The following HEG1 variants were observed in gnomAD, a reference collection of about 807,000 sequenced individuals.
HEG1 encodes protein HEG homolog 1.
A neutral mutation model predicts 125.6 loss-of-function variants in HEG1; 56 were observed. That is an observed-to-expected ratio of 0.45 (90% CI 0.36 to 0.56). The LOEUF is 0.56. Ranked by LOEUF, HEG1 falls within the 20% of genes least tolerant of loss-of-function variation. HEG1 has a pLI of 0.00. For synonymous variants in HEG1, 644 were observed against 668.5 expected (o/e 0.96, Z 0.57); for missense variants, 1,523 against 1,670.0 (o/e 0.91, Z 1.53).
chr3:124,999,374 A>G (rs1478566177), intron 11 of HEG1, among the ~76,000 whole-genome samples: 1 of 152,230 alleles, frequency 6.6e-6, no homozygotes, highest in Non-Finnish European at 1.5e-5. Context: ...AACTTCCACA[A>G]TCCCTCATCT....
chr3:125,040,403 A>G (rs1937584564), intron 1 of HEG1, among the ~76,000 whole-genome samples: 1 of 152,198 alleles, frequency 6.6e-6, no homozygotes, highest in Non-Finnish European at 1.5e-5. Flanking sequence ...CCAGCCCTAC[A>G]GAAAGTCCCT....
At chr3:125,040,326 C>T (rs181982509) in intron 1 of HEG1, among the ~76,000 whole-genome samples, 5 of 152,170 alleles carry the variant, frequency 3.3e-5, no homozygotes, top group East Asian at 3.9e-4. Context: ...GTGACAGAGA[C>T]GCAGATGACA....
rs1213933756 is a variant in HEG1, at chr3:125,027,523, AAC to A, written c.611-18_611-17del. On this transcript the variant is annotated splice_polypyrimidine_tract_variant and intron_variant, in intron 2 of 16. Transcript: ENST00000311127. ...CTTTCTGAGGCTGAAAACAGACAAA[AAC>A]AATTAGAATTCCACCAGCAGACTTC... 1 of 1,572,590 alleles carries A rather than the reference AAC, an allele frequency of 6.4e-7. No individual in the cohort carries two copies. Among genetic ancestry groups the A allele is most frequent in the Admixed American group, 1.9e-5 (1 of 53,904 alleles).
chr3:124,996,681 T>A (rs1463598077), intron 12 of HEG1, among the ~76,000 whole-genome samples: 1 of 152,146 alleles, frequency 6.6e-6, no homozygotes, highest in Admixed American at 6.5e-5. Context: ...TGAAATATAT[T>A]TTTATCTGTG....
chr3:124,971,392 CTTCT>C (rs893302121), intron 16 of HEG1, among the ~76,000 whole-genome samples: 17 of 152,018 alleles, frequency 1.1e-4, no homozygotes, highest in African/African-American at 3.1e-4. Flanking sequence ...TATTTTTTTC[CTTCT>C]TTCTTTTTCT....
chr3:125,031,760 A>C (rs931749058), intron 1 of HEG1, among the ~76,000 whole-genome samples: 1 of 151,712 alleles, frequency 6.6e-6, no homozygotes, highest in African/African-American at 2.4e-5. Flanking sequence ...ACACATGCAC[A>C]CATACACATA....
intron 1 of HEG1, among the ~76,000 whole-genome samples, chr3:125,041,696 C>T (rs1172295607): frequency 1.3e-5 from 2 of 152,188 alleles, no homozygotes. Context: ...GAAAGCAACC[C>T]AGCTGTCTAT....
intron 5 of HEG1, among the ~76,000 whole-genome samples, chr3:125,017,979 G>C (rs192218872): frequency 6.6e-6 from 1 of 151,910 alleles, no homozygotes; most frequent in East Asian, 1.9e-4. Context: ...CAGTGAGCCG[G>C]GATGGTGCCA....
Position 125,047,243 on chromosome 3 carries a change from G to A in HEG1, c.316+8332C>T, listed in dbSNP as rs913592365. ...ATGCCTGGAAGGCAAGGTGCGATGG[G>A]AGGGTTGCTGTCAACACAATGACCA... On this transcript the variant is annotated intron_variant, in intron 1 of 16. Coordinates refer to ENST00000311127, the MANE Select transcript of HEG1 (RefSeq NM_020733.2). Among the ~76,000 whole-genome samples the A allele has an allele frequency of 1.2e-4, 18 of 152,260 alleles. 1 individual carries two copies. The highest frequency in any genetic ancestry group is 8.3e-4 in the South Asian group (4 of 4,832).
rs1287239540 is a variant in HEG1, at chr3:124,993,272, C to G, written c.3653-2286G>C. The stretch of plus-strand genomic sequence containing the variant: ...ACAGTCCGTTAATTTCCCCTTTAAC[C>G]TGATTTACCTTTTACATATTTTTAA... On this transcript the variant is annotated intron_variant, in intron 12 of 16. Coordinates refer to ENST00000311127, the MANE Select transcript of HEG1 (RefSeq NM_020733.2). Among the ~76,000 whole-genome samples the G allele has an allele frequency of 3.9e-5, 6 of 152,322 alleles. No homozygotes were observed. In the East Asian group the frequency reaches 9.6e-4, roughly 24 times the overall value.
At chr3:124,994,713 C>T (rs139940376) in intron 12 of HEG1, among the ~76,000 whole-genome samples, 16 of 152,292 alleles carry the variant, frequency 1.1e-4, no homozygotes, top group African/African-American at 3.8e-4. Context: ...ACCATATTGG[C>T]CAGGCTGGCC....
At chr3:124,988,553 A>G (rs1012842320) in intron 14 of HEG1, among the ~76,000 whole-genome samples, 17 of 152,196 alleles carry the variant, frequency 1.1e-4, no homozygotes, top group African/African-American at 4.1e-4. Context: ...ATGGCCCCAC[A>G]GTGTCCTCTG....
chr3:124,981,871 C>T (rs553252773), intron 14 of HEG1, among the ~76,000 whole-genome samples: 79 of 152,202 alleles, frequency 5.2e-4, no homozygotes, highest in African/African-American at 1.6e-3. Context: ...CACACACACC[C>T]CTCCCTGAAA....
intron 12 of HEG1, among the ~76,000 whole-genome samples, chr3:124,996,271 A>C (rs1404114181): frequency 6.6e-6 from 1 of 151,658 alleles, no homozygotes; most frequent in African/African-American, 2.4e-5. Context: ...TTTAGTAGAG[A>C]CGGGGTTTCT....
Position 125,013,113 on chromosome 3 carries a change from G to A in HEG1, c.2466C>T (p.Ser822=), listed in dbSNP as rs1245642697. 3 of 1,613,892 alleles carry A rather than the reference G, an allele frequency of 1.9e-6. No homozygotes were observed. The highest frequency in any genetic ancestry group is 2.7e-5 in the African/African-American group (2 of 74,916). ...TGGCTGGAAGGGTTTGCTCTGTGGAGGACTCTGTTAAGGATGGAGGCAAAG... is the reference window on the plus strand; with the variant it reads ...TGGCTGGAAGGGTTTGCTCTGTGGAAGACTCTGTTAAGGATGGAGGCAAAG... The part of the protein sequence containing the change: ...NSPLPPSLTE[S]STEQTLPATS... The change falls in exon 6 of 17, where the codon TCC becomes TCT. Residue 822 remains serine, a synonymous_variant. Coordinates refer to ENST00000311127, the MANE Select transcript of HEG1 (RefSeq NM_020733.2).
In HEG1 at chr3:125,009,731, T is replaced by A. The variant is rs779883834; in HGVS notation, c.3167A>T (p.Gln1056Leu). The change falls in exon 8 of 17, where the codon CAG (glutamine) becomes CTG (leucine). Residue 1056 changes from glutamine to leucine, a missense_variant. Coordinates refer to ENST00000311127, the MANE Select transcript of HEG1 (RefSeq NM_020733.2). The stretch of plus-strand genomic sequence containing the variant: ...CAAATTGCATATCCCTTTTTCCAAC[T>A]GGTACCCAACCGGGCATTTGCAGAT... ...SFICKCPVGY[Q>L]LEKGICNLVR... 3 of 1,613,576 alleles carry A rather than the reference T, an allele frequency of 1.9e-6. No homozygotes were observed. In the South Asian group the frequency reaches 3.3e-5, roughly 18 times the overall value.
chr3:125,002,265 G>A lies in HEG1; in HGVS notation c.3348C>T (p.His1116=), dbSNP rs376547040. The A allele has an allele frequency of 1.6e-5, 26 of 1,612,418 alleles. No homozygotes were observed. Among genetic ancestry groups the A allele is most frequent in the Admixed American group, 3.3e-5 (2 of 59,934 alleles). The part of the protein sequence containing the change: ...ALPSYIRSTV[H]ASRESNAVVI... ...ATAATTCTGTTACTTACCTAGAGGC[G>A]TGAACTGTAGATCGGATGTAACTAG... Residue 1116 remains histidine (H), a synonymous_variant, in exon 10 of 17, where the codon CAC becomes CAT. Transcript: ENST00000311127.
At chr3:125,004,279 C>G (rs1396467360) in intron 9 of HEG1, among the ~76,000 whole-genome samples, 10 of 152,110 alleles carry the variant, frequency 6.6e-5, no homozygotes, top group Admixed American at 6.5e-4. Flanking sequence ...CCACAAAGAA[C>G]AAGTAACATT....
intron 3 of HEG1, among the ~76,000 whole-genome samples, chr3:125,021,785 C>T (rs187451109): frequency 3.7e-4 from 56 of 152,324 alleles, no homozygotes; most frequent in Admixed American, 9.8e-4. Context: ...AACAGAATTT[C>T]TAACCAGCAG....
Sources: gnomAD v4.1 joint callset for allele counts (sites outside exome capture counted in the v4.1 genomes callset) on GRCh38, gnomAD v4.1.1 for gene constraint, MANE v1.5 for transcripts, NCBI Gene and HGNC (gene_info 2026-07-23, HGNC 2026-07-21) for gene names.